DPH6: variants seen among roughly 807,000 people sequenced by gnomAD.
DPH6 encodes diphthine--ammonia ligase.
DPH6 carries 33 observed loss-of-function variants against 38.2 expected under a neutral mutation model. The ratio of observed to expected loss-of-function variants is 0.86; its 90% CI spans 0.65 to 1.15. DPH6 has a LOEUF of 1.15. Among genes scored for constraint, DPH6 ranks in the 50% most tolerant of loss-of-function variants. The pLI, the probability that DPH6 is intolerant of heterozygous loss-of-function variation, is 0.00. For missense variants in DPH6, 325 were observed against 320.0 expected (o/e 1.02, Z -0.12); for synonymous variants, 108 against 103.0 (o/e 1.05, Z -0.30).
At chr15:35,151,780 AATT>A in the DPH6 span, among the ~76,000 whole-genome samples, 1 of 152,236 alleles carries the variant, frequency 6.6e-6, no homozygotes, top group Non-Finnish European at 1.5e-5. Flanking sequence ...AATGAATACA[AATT>A]ATTATAAAAT....
At chr15:35,521,255 A>G in intron 3 of DPH6, 1 of 986,066 alleles carries the variant, frequency 1.0e-6, no homozygotes. Context: ...TCACAGGTAC[A>G]TTGAATGCAT....
At position 35,240,230 on chromosome 15, in the gene DPH6, C is replaced by G. The variant is rs1279371477; in HGVS notation, n.201-19648G>C. 1.4e-5 allele frequency among the ~76,000 whole-genome samples: 2 copies of G among 143,398 alleles called. 1 individual carries two copies. Among genetic ancestry groups the G allele is most frequent in the Non-Finnish European group, 3.1e-5 (2 of 65,416 alleles). The allele number at this position is 143,398 out of a possible 152,430, so 94.1% of individuals were successfully genotyped here. On this transcript the variant is annotated intron_variant and non_coding_transcript_variant, in intron 3 of 3. Transcript: ENST00000560386. ...AAACGGCACTTTCAATTTTTCCATC[C>G]TACAAGATCTAAATAATTCTTGTCC...
chr15:35,281,023 A>G (rs980713195), intron 3 of DPH6, among the ~76,000 whole-genome samples: 1 of 152,182 alleles, frequency 6.6e-6, no homozygotes, highest in African/African-American at 2.4e-5. Context: ...TTACATATGT[A>G]TACATGTGCC....
At chr15:35,433,693 C>A (rs921702667) in intron 5 of DPH6, among the ~76,000 whole-genome samples, 2 of 152,102 alleles carry the variant, frequency 1.3e-5, no homozygotes, top group African/African-American at 4.8e-5. Flanking sequence ...TTAATGACTT[C>A]TGCACTAGAT....
At chr15:35,544,044 G>A (rs926959989) in intron 1 of DPH6, among the ~76,000 whole-genome samples, 4 of 152,162 alleles carry the variant, frequency 2.6e-5, no homozygotes, top group Non-Finnish European at 4.4e-5. Context: ...AAAAGGTTTT[G>A]AATATCAGAC....
intron 3 of DPH6, among the ~76,000 whole-genome samples, chr15:35,308,309 G>A (rs1224718296): frequency 6.6e-6 from 1 of 152,104 alleles, no homozygotes; most frequent in Non-Finnish European, 1.5e-5. Context: ...AAGTATGTGA[G>A]GTGATGGATA....
chr15:35,184,071 A>T, the DPH6 span, among the ~76,000 whole-genome samples: 1 of 152,234 alleles, frequency 6.6e-6, no homozygotes, highest in Non-Finnish European at 1.5e-5. Flanking sequence ...TGGACTATAA[A>T]ATCCAATTCA....
intron 6 of DPH6, 121 bp from the exon 7 acceptor site, chr15:35,382,037 T>G (rs948932064): frequency 8.7e-6 from 6 of 693,608 alleles, no homozygotes; most frequent in South Asian, 7.7e-5. Flanking sequence ...GTTTGCAAGG[T>G]AAGGAAAATT....
intron 5 of DPH6, among the ~76,000 whole-genome samples, chr15:35,424,393 G>A (rs2053543180): frequency 6.6e-6 from 1 of 150,470 alleles, no homozygotes; most frequent in Admixed American, 6.6e-5. Context: ...GCTACTGATT[G>A]TTGTATGCTG....
chr15:35,419,056 A>AACACACACAC lies in DPH6; in HGVS notation c.506-8170_506-8161dup, dbSNP rs1322020569. 8.1e-5 allele frequency among the ~76,000 whole-genome samples: 9 copies of AACACACACAC among 111,310 alleles called. 1 individual carries two copies. The highest frequency in any genetic ancestry group is 4.4e-4 in the Admixed American group (5 of 11,326). 73.0% of individuals were successfully genotyped at this position (111,310 alleles called of 152,430 possible). A position where few individuals can be genotyped will look rare whatever the true frequency, so the allele number is the denominator to read the frequency against. ...ATACCTCATGTACCTTTCAAACTAA[A>AACACACACAC]ACACACACACATACACACACACACA... On this transcript the variant is annotated intron_variant, in intron 5 of 8. Transcript: ENST00000256538.
chr15:35,466,535 T>G (rs2054128597), intron 3 of DPH6, among the ~76,000 whole-genome samples: 1 of 152,148 alleles, frequency 6.6e-6, no homozygotes, highest in Admixed American at 6.5e-5. Context: ...CTTAAACCAC[T>G]ACTACCAAGA....
At chr15:35,285,872 G>GTTTTTTTGTTTTTTTTTTTTTTTT (rs1555391171) in intron 3 of DPH6, among the ~76,000 whole-genome samples, 1 of 52,794 alleles carries the variant, frequency 1.9e-5, no homozygotes, top group African/African-American at 7.5e-5. Flanking sequence ...TTATCTTTGA[G>GTTTTTTTGTTTTTTTTTTTTTTTT]TTTTTTTTTT....
At chr15:35,452,340 T>A (rs2053946177) in intron 4 of DPH6, among the ~76,000 whole-genome samples, 1 of 152,220 alleles carries the variant, frequency 6.6e-6, no homozygotes, top group Admixed American at 6.5e-5. Flanking sequence ...CCAAGTGACT[T>A]GCCCAAGTCA....
At position 35,493,230 on chromosome 15, in the gene DPH6, G is replaced by A. The variant is rs550037436; in HGVS notation, c.313-38410C>T. Among the ~76,000 whole-genome samples the A allele has an allele frequency of 2.6e-5, 4 of 152,208 alleles. No homozygotes were observed. The East Asian group carries it at 7.7e-4, about 29-fold the overall frequency. The stretch of plus-strand genomic sequence containing the variant: ...TTATTGTTTCTAAATAAGTTAAACT[G>A]CCACAAATATTAAATGAGTGTATTG... On this transcript the variant is annotated intron_variant, in intron 3 of 8. Coordinates refer to ENST00000256538, the MANE Select transcript of DPH6 (RefSeq NM_080650.4).
chr15:35,237,579 A>G (rs2051562857), intron 3 of DPH6: 1 of 1,577,280 alleles, frequency 6.3e-7, no homozygotes, highest in African/African-American at 1.3e-5. Flanking sequence ...GCATTGGCAG[A>G]AAAGTGTCCG....
chr15:35,218,191 C>T (rs2051421129), exon 4 of DPH6: 1 of 152,144 alleles, frequency 6.6e-6, no homozygotes, highest in Non-Finnish European at 1.5e-5. Context: ...GCTTGCTGAA[C>T]AAAAATCCTC....
Position 35,410,884 on chromosome 15 carries a change from T to A in DPH6, c.518A>T (p.Asp173Val). ...IKVAALGLDP[D>V]KHLGKTLDQM... ...ATCCAGGGTTTTCCCAAGATGCTTA[T>A]CAGGATCTAAACCTGCCAAGAAAGG... Residue 173 changes from aspartate (D) to valine (V), a missense_variant, in exon 6 of 9, where the codon GAT (aspartate) becomes GTT (valine). Asp to Val is a radical substitution (Grantham distance 152). Transcript: ENST00000256538. 6.2e-7 allele frequency: 1 copy of A among 1,604,988 alleles called. No homozygotes were observed.
chr15:35,538,067 T>A (rs373408113), intron 3 of DPH6: 1 of 369,114 alleles, frequency 2.7e-6, no homozygotes, highest in Non-Finnish European at 4.8e-6. Flanking sequence ...TGCCAAACTA[T>A]ACAAAACGTC....
chr15:35,183,628 T>A, the DPH6 span, among the ~76,000 whole-genome samples: 1 of 152,240 alleles, frequency 6.6e-6, no homozygotes, highest in Non-Finnish European at 1.5e-5. Context: ...CTGCTCAAGT[T>A]AAACTTCCTT....
Sources: allele counts gnomAD v4.1 joint callset (sites outside exome capture counted in the v4.1 genomes callset), GRCh38; gene constraint gnomAD v4.1.1; transcripts MANE v1.5; gene names NCBI Gene and HGNC (gene_info 2026-07-23, HGNC 2026-07-21).